MINAR1: variants seen among roughly 807,000 people sequenced by gnomAD.
MINAR1 encodes membrane integral NOTCH2 associated receptor 1.
A neutral mutation model predicts 65.1 loss-of-function variants in MINAR1; 40 were observed. The ratio of observed to expected loss-of-function variants is 0.61; its 90% CI spans 0.48 to 0.80. MINAR1 has a LOEUF of 0.80. Ranked by LOEUF, MINAR1 falls within the 30% of genes least tolerant of loss-of-function variation. MINAR1 has a pLI of 0.00. For missense variants in MINAR1, 1,128 were observed against 1,148.0 expected (o/e 0.98, Z 0.25); for synonymous variants, 482 against 449.1 (o/e 1.07, Z -0.93).
chr15:79,416,054 A>G, the MINAR1 span: 1 of 152,190 alleles, frequency 6.6e-6, no homozygotes, highest in Non-Finnish European at 1.5e-5. Context: ...ATTCCTTTGA[A>G]GTTTTTGTTC....
upstream of MINAR1, among the ~76,000 whole-genome samples, chr15:79,431,496 T>G (rs1894434116): frequency 1.7e-5 from 2 of 119,240 alleles, no homozygotes; most frequent in African/African-American, 3.8e-5. Context: ...TGTGAATGAG[T>G]GAGTATGTGT....
intron 1 of MINAR1, among the ~76,000 whole-genome samples, chr15:79,442,684 C>G (rs1173016947): frequency 6.7e-6 from 1 of 150,278 alleles, no homozygotes; most frequent in Non-Finnish European, 1.5e-5. Flanking sequence ...CCATTTAGAG[C>G]CTTACTTATA....
intron 2 of MINAR1, 78 bp downstream of exon 2, chr15:79,458,523 C>T (rs756904338): frequency 2.7e-5 from 41 of 1,509,774 alleles, no homozygotes; most frequent in Middle Eastern, 2.0e-4. Flanking sequence ...TTGAACATGG[C>T]GTTAAACAGG....
intron 1 of MINAR1, among the ~76,000 whole-genome samples, chr15:79,442,467 A>G (rs1164361732): frequency 6.6e-6 from 1 of 151,980 alleles, no homozygotes; most frequent in Non-Finnish European, 1.5e-5. Flanking sequence ...GGAACTTTGT[A>G]TTAAGTTTTC....
upstream of MINAR1, among the ~76,000 whole-genome samples, chr15:79,429,859 G>C (rs1894397803): frequency 6.6e-6 from 1 of 152,246 alleles, no homozygotes; most frequent in Admixed American, 6.5e-5. Flanking sequence ...TGCAACGGGA[G>C]AGGGAGTCCA....
chr15:79,453,524 CT>C (rs1201026520), intron 1 of MINAR1, among the ~76,000 whole-genome samples: 5 of 152,210 alleles, frequency 3.3e-5, no homozygotes, highest in African/African-American at 9.6e-5. Context: ...ATGCTGGAGG[CT>C]GGATCCTGTT....
rs1894465139 is a variant in MINAR1 at position 79,432,349 on chromosome 15, G to C, written c.-242G>C. Among the ~76,000 whole-genome samples, 1 of 152,198 alleles carries C rather than the reference G, an allele frequency of 6.6e-6. No homozygotes were observed. Among genetic ancestry groups the C allele is most frequent in the African/African-American group, 2.4e-5 (1 of 41,454 alleles). ...GCGTGTGAGCGCAGACCTGGACTCG[G>C]GCGGCGGAGGCGAAAGTCGCTCCAT... On this transcript the variant is annotated 5_prime_UTR_variant, in exon 1 of 4. Transcript: ENST00000305428.
intron 1 of MINAR1, among the ~76,000 whole-genome samples, chr15:79,452,775 G>T: frequency 6.6e-6 from 1 of 150,388 alleles, no homozygotes; most frequent in Non-Finnish European, 1.5e-5. Context: ...AGCTGTGTGC[G>T]TGTCTGTGTC....
the MINAR1 span, chr15:79,424,716 T>C: frequency 5.9e-5 from 9 of 152,206 alleles, no homozygotes; most frequent in African/African-American, 2.2e-4. Flanking sequence ...TGCTCGGTAA[T>C]TTTTACAAGA....
At position 79,458,182 on chromosome 15, in the gene MINAR1, C is replaced by A. The variant is rs766071487; in HGVS notation, c.2035C>A (p.Pro679Thr). The stretch of plus-strand genomic sequence containing the variant: ...CCACGGACCCAAACTAGAGAACAAC[C>A]CTGACTGGTGCTGCTCTGATGCTAG... Reference protein sequence around the residue: ...GSHGPKLENNPDWCCSDASGS... With the variant: ...GSHGPKLENNTDWCCSDASGS... Residue 679 changes from proline (P) to threonine (T), a missense_variant, in exon 2 of 4, where the codon CCT becomes ACT. By Grantham distance (38) the Pro-to-Thr change is conservative. Coordinates refer to ENST00000305428, the MANE Select transcript of MINAR1 (RefSeq NM_015206.3). The A allele has an allele frequency of 2.8e-5, 46 of 1,614,058 alleles. 1 individual carries two copies. In the South Asian group the frequency reaches 5.1e-4, roughly 18 times the overall value.
At position 79,471,538 on chromosome 15, in the gene MINAR1, T is replaced by C. The variant is rs1264649719; in HGVS notation, c.*3154T>C. Reference sequence around the variant, plus strand: ...CTAGCTGATCATAAATTGTTAGTATTTTAAGGTATGCAACTATGTGATTGA... The same window carrying C: ...CTAGCTGATCATAAATTGTTAGTATCTTAAGGTATGCAACTATGTGATTGA... On this transcript the variant is annotated 3_prime_UTR_variant, in exon 4 of 4. Transcript: ENST00000305428. 1.3e-5 allele frequency: 2 copies of C among 152,576 alleles called. No homozygotes were observed. Among genetic ancestry groups the C allele is most frequent in the African/African-American group, 4.8e-5 (2 of 41,428 alleles). The allele number at this position is 152,576 out of a possible 1,614,324, so 9.5% of individuals were successfully genotyped here. A position where few individuals can be genotyped will look rare whatever the true frequency, so the allele number is the denominator to read the frequency against.
chr15:79,419,546 C>T, the MINAR1 span: 1 of 152,116 alleles, frequency 6.6e-6, no homozygotes, highest in African/African-American at 2.4e-5. Context: ...TAACATGTAA[C>T]CCTTTATGAA....
At position 79,457,196 on chromosome 15, in the gene MINAR1, A is replaced by G. The variant is rs570203538; in HGVS notation, c.1049A>G (p.Glu350Gly). 1 of 1,614,158 alleles carries G rather than the reference A, an allele frequency of 6.2e-7. No homozygotes were observed. The highest frequency in any genetic ancestry group is 2.2e-5 in the East Asian group (1 of 44,864). Residue 350 changes from glutamate (E) to glycine (G), a missense_variant, in exon 2 of 4, where the codon GAA becomes GGA. By Grantham distance (98) the Glu-to-Gly change is moderately conservative. Transcript: ENST00000305428. ...CCCACTCCCGTGATGGGAACCCAAG[A>G]AGCCAGGCGCTGTCTAGGGAAGCCC... ...FGPTPVMGTQ[E>G]ARRCLGKPNK...
chr15:79,462,109 C>T (rs2141301367), intron 2 of MINAR1, among the ~76,000 whole-genome samples: 1 of 152,298 alleles, frequency 6.6e-6, no homozygotes, highest in South Asian at 2.1e-4. Flanking sequence ...TTCATATCGC[C>T]TCTAACCCTC....
At chr15:79,411,768 C>T in the MINAR1 span, 4 of 412,816 alleles carry the variant, frequency 9.7e-6, no homozygotes, top group Admixed American at 1.0e-4. Flanking sequence ...GTGGTAGGGG[C>T]AGCACTTCAG....
At position 79,472,274 on chromosome 15, in the gene MINAR1, T is replaced by TAATC. The variant is rs1041596484; in HGVS notation, c.*3892_*3895dup. 10 of 152,506 alleles carry TAATC rather than the reference T, an allele frequency of 6.6e-5. No homozygotes were observed. The highest frequency in any genetic ancestry group is 5.8e-4 in the East Asian group (3 of 5,194). The allele number at this position is 152,506 out of a possible 1,614,324, so 9.4% of individuals were successfully genotyped here. ...CATGTAAAATTGGCCTCTCCAAATA[T>TAATC]AATCAGAAATAAACCGAAAAAAATA... On this transcript the variant is annotated 3_prime_UTR_variant, in exon 4 of 4. Transcript: ENST00000305428.
chr15:79,470,901 CTATTGGATGCTTGGGGT>C lies in MINAR1; in HGVS notation c.*2518_*2534del, dbSNP rs1896052653. 1 of 152,122 alleles carries C rather than the reference CTATTGGATGCTTGGGGT, an allele frequency of 6.6e-6. No individual in the cohort carries two copies. Among genetic ancestry groups the C allele is most frequent in the East Asian group, 1.9e-4 (1 of 5,196 alleles). 9.4% of individuals were successfully genotyped at this position (152,122 alleles called of 1,614,324 possible). On this transcript the variant is annotated 3_prime_UTR_variant, in exon 4 of 4. Coordinates refer to ENST00000305428, the MANE Select transcript of MINAR1 (RefSeq NM_015206.3). ...TATGAATCATTACCATGGCTTGGAGCTATTGGATGCTTGGGGTCTTGGGATAGATAGAAGGTGAGGTT... is the reference window on the plus strand; with the variant it reads ...TATGAATCATTACCATGGCTTGGAGCCTTGGGATAGATAGAAGGTGAGGTT...
At chr15:79,464,759 C>T (rs1037744923) in intron 3 of MINAR1, among the ~76,000 whole-genome samples, 1 of 152,308 alleles carries the variant, frequency 6.6e-6, no homozygotes, top group Admixed American at 6.5e-5. Context: ...TTCCTCACCC[C>T]CTTACCTCAT....
chr15:79,435,497 G>A (rs963748230), intron 1 of MINAR1, among the ~76,000 whole-genome samples: 2 of 152,170 alleles, frequency 1.3e-5, no homozygotes, highest in African/African-American at 4.8e-5. Context: ...GTTATAAATA[G>A]TCATGTACCT....
Sources: gnomAD v4.1 joint callset for allele counts (sites outside exome capture counted in the v4.1 genomes callset) on GRCh38, gnomAD v4.1.1 for gene constraint, MANE v1.5 for transcripts, NCBI Gene and HGNC (gene_info 2026-07-23, HGNC 2026-07-21) for gene names.